Variants in SLC25A36 observed in about 807,000 individuals in gnomAD.
The protein encoded by SLC25A36 is epididymis secretory sperm binding protein.
A neutral mutation model predicts 35.3 loss-of-function variants in SLC25A36; 24 were observed. The observed-to-expected ratio is 0.68, with a 90% CI of 0.49 to 0.96. The LOEUF is 0.96. Ranked by LOEUF, SLC25A36 falls within the 40% of genes least tolerant of loss-of-function variation. SLC25A36 has a pLI of 0.00. For missense variants in SLC25A36, 294 were observed against 381.1 expected, an observed-to-expected ratio of 0.77 and a Z score of 1.90; for synonymous variants, 141 against 132.2, an observed-to-expected ratio of 1.07 and a Z score of -0.46.
intron 1 of SLC25A36, among the ~76,000 whole-genome samples, chr3:140,946,278 C>T (rs945033827): frequency 3.3e-5 from 5 of 152,150 alleles, no homozygotes; most frequent in African/African-American, 9.7e-5. Context: ...TGAGTAAAGA[C>T]TTGGAAGGGA....
rs1369283471 is a variant in SLC25A36, at chr3:140,979,796, AC to A, written c.*3344del. ...TAAATAGTGAACCTCAAAAGTGTTA[AC>A]TTTTGACTATTCATGTGAGGTTTGG... On this transcript the variant is annotated 3_prime_UTR_variant, in exon 7 of 7. Transcript: ENST00000324194. 6.6e-6 allele frequency: 1 copy of A among 152,182 alleles called. No homozygotes were observed. The highest frequency in any genetic ancestry group is 2.4e-5 in the African/African-American group (1 of 41,446). The allele number at this position is 152,182 out of a possible 1,614,324, so 9.4% of individuals were successfully genotyped here. A position where few individuals can be genotyped will look rare whatever the true frequency, so the allele number is the denominator to read the frequency against.
chr3:140,944,093 A>G (rs997561904), intron 1 of SLC25A36, among the ~76,000 whole-genome samples: 2 of 152,234 alleles, frequency 1.3e-5, no homozygotes, highest in African/African-American at 2.4e-5. Context: ...ATGTGGTTAC[A>G]TAAGTGAGTT....
At position 140,942,534 on chromosome 3, in the gene SLC25A36, G is replaced by A. The variant is rs541279363; in HGVS notation, c.41+439G>A. Reference sequence around the variant, plus strand: ...GGCGTCGGGGATCCAGGGCCGCTTTGAGGAGCCTGGCTTCGGATTTCGCGT... The same window carrying A: ...GGCGTCGGGGATCCAGGGCCGCTTTAAGGAGCCTGGCTTCGGATTTCGCGT... On this transcript the variant is annotated intron_variant, in intron 1 of 6. Transcript: ENST00000324194. 6 of 156,080 alleles carry A rather than the reference G, an allele frequency of 3.8e-5. No individual in the cohort carries two copies. In the South Asian group the frequency reaches 9.9e-4, roughly 26 times the overall value. 9.7% of individuals were successfully genotyped at this position (156,080 alleles called of 1,614,324 possible).
At chr3:140,974,588 A>G (rs1337657636) in intron 6 of SLC25A36, among the ~76,000 whole-genome samples, 2 of 152,168 alleles carry the variant, frequency 1.3e-5, no homozygotes, top group African/African-American at 2.4e-5. Context: ...CTGTATTTAA[A>G]TTTTATAATA....
chr3:140,954,518 AT>A (rs745345941), intron 1 of SLC25A36, among the ~76,000 whole-genome samples: 20 of 152,184 alleles, frequency 1.3e-4, no homozygotes, highest in Non-Finnish European at 2.6e-4. Context: ...AGTGTAAGAG[AT>A]TTCCAGTTCA....
chr3:140,970,737 A>C, intron 4 of SLC25A36, 190 bp from the exon 5 acceptor site: 1 of 420,204 alleles, frequency 2.4e-6, no homozygotes, highest in Non-Finnish European at 4.4e-6. Flanking sequence ...TAAGGACAGA[A>C]TTTGAGAATT....
chr3:140,973,643 A>G, intron 5 of SLC25A36, 73 bp from the exon 6 acceptor site: 2 of 1,091,738 alleles, frequency 1.8e-6, no homozygotes, highest in Non-Finnish European at 2.4e-6. Context: ...TTTTATTATT[A>G]GAATGACATA....
rs1935085102 is a variant in SLC25A36 at position 140,977,745 on chromosome 3, GC to G, written c.*1294del. 6.6e-6 allele frequency: 1 copy of G among 151,932 alleles called. No individual in the cohort carries two copies. Among genetic ancestry groups the G allele is most frequent in the Non-Finnish European group, 1.5e-5 (1 of 67,972 alleles). 9.4% of individuals were successfully genotyped at this position (151,932 alleles called of 1,614,324 possible). A position where few individuals can be genotyped will look rare whatever the true frequency, so the allele number is the denominator to read the frequency against. ...TGCTGTAATTCTGTTAAAAGACTTC[GC>G]CTATGCCATACTGGTGTATAAAAAC... On this transcript the variant is annotated 3_prime_UTR_variant, in exon 7 of 7. Transcript: ENST00000324194.
chr3:140,959,527 G>T lies in SLC25A36; in HGVS notation c.271G>T (p.Val91Leu). The T allele has an allele frequency of 6.8e-7, 1 of 1,476,160 alleles. No individual in the cohort carries two copies. The highest frequency in any genetic ancestry group is 8.9e-7 in the Non-Finnish European group (1 of 1,121,732). 91.4% of individuals were successfully genotyped at this position (1,476,160 alleles called of 1,614,324 possible). The change falls in exon 3 of 7, where the codon GTA (valine) becomes TTA (leucine). Residue 91 changes from valine to leucine, a missense_variant. Physicochemically the swap from Val to Leu is conservative, Grantham distance 32 (BLOSUM62 1). Coordinates refer to ENST00000324194, the MANE Select transcript of SLC25A36 (RefSeq NM_001104647.3). ...FRGLGPNLVG[V>L]APSRAIYFAA... is the part of the protein sequence containing the mutation. Reference sequence around the variant, plus strand: ...AGGACTAGGCCCCAATTTAGTGGGGGTAGCCCCTTCCAGGTAAAAAAAAAA... The same window carrying T: ...AGGACTAGGCCCCAATTTAGTGGGGTTAGCCCCTTCCAGGTAAAAAAAAAA...
chr3:140,950,829 A>T (rs1474209143), intron 1 of SLC25A36, among the ~76,000 whole-genome samples: 1 of 151,426 alleles, frequency 6.6e-6, no homozygotes, highest in African/African-American at 2.4e-5. Context: ...AGAAATGTTG[A>T]GTTTGTATTC....
Position 140,973,979 on chromosome 3 carries a change from G to C in SLC25A36, c.716G>C (p.Cys239Ser). 6.3e-7 allele frequency: 1 copy of C among 1,581,566 alleles called. No homozygotes were observed. The highest frequency in any genetic ancestry group is 8.6e-7 in the Non-Finnish European group (1 of 1,160,088). The change falls in exon 6 of 7, where the codon TGT becomes TCT. Residue 239 changes from cysteine to serine, a missense_variant. Physicochemically the swap from Cys to Ser is moderately radical, Grantham distance 112 (BLOSUM62 -1). Around this residue, in one of 2 missense-constraint regions of SLC25A36, gnomAD observed 109 missense variants for 179.7 expected, o/e 0.61. Coordinates refer to ENST00000324194, the MANE Select transcript of SLC25A36 (RefSeq NM_001104647.3). ...MMLAAATSKT[C>S]ATTIAYPHEV... is the part of the protein sequence containing the mutation. ...CTAGCTGCTGCCACCTCAAAAACTTGTGCCACAACTATAGCATATCCACAT... is the reference window on the plus strand; with the variant it reads ...CTAGCTGCTGCCACCTCAAAAACTTCTGCCACAACTATAGCATATCCACAT...
At chr3:140,950,668 C>T (rs186187662) in intron 1 of SLC25A36, among the ~76,000 whole-genome samples, 93 of 152,286 alleles carry the variant, frequency 6.1e-4, no homozygotes, top group African/African-American at 2.2e-3. Context: ...AAGTAATCTG[C>T]AGTTGTCGAG....
chr3:140,956,861 GTTAGACAGATA>G, intron 2 of SLC25A36, 170 bp downstream of exon 2: 1 of 1,097,608 alleles, frequency 9.1e-7, no homozygotes. Context: ...GAGAAGAACA[GTTAGACAGATA>G]AGATAAAGTG....
intron 1 of SLC25A36, chr3:140,942,357 T>G: frequency 5.8e-6 from 2 of 345,392 alleles, no homozygotes; most frequent in African/African-American, 2.1e-5. Context: ...GGTTGAGGCA[T>G]GAAACCCGGG....
chr3:140,961,854 TCAA>T (rs1934637466), intron 3 of SLC25A36, among the ~76,000 whole-genome samples: 1 of 23,824 alleles, frequency 4.2e-5, no homozygotes, highest in African/African-American at 2.1e-4. Flanking sequence ...AGGCTCCGTC[TCAA>T]AAAAAAAAAA....
chr3:140,952,005 T>C (rs531722453), intron 1 of SLC25A36, among the ~76,000 whole-genome samples: 1 of 148,970 alleles, frequency 6.7e-6, no homozygotes, highest in South Asian at 2.1e-4. Context: ...GGCTGTTTTT[T>C]CCTTTCTTTC....
intron 4 of SLC25A36, chr3:140,963,635 T>C (rs1934688020): frequency 6.4e-6 from 1 of 156,990 alleles, no homozygotes. Flanking sequence ...TCGGCAATTC[T>C]TGGTAAAGTA....
chr3:140,956,920 C>G, intron 2 of SLC25A36: 1 of 653,498 alleles, frequency 1.5e-6, no homozygotes, highest in Non-Finnish European at 2.1e-6. Context: ...TAGAATATTT[C>G]TACATTTATC....
chr3:140,943,313 A>G (rs573156453), intron 1 of SLC25A36, among the ~76,000 whole-genome samples: 12 of 152,342 alleles, frequency 7.9e-5, no homozygotes, highest in Non-Finnish European at 1.5e-4. Flanking sequence ...TATGGACTCT[A>G]TTGAGCCAGT....
Sources: allele counts gnomAD v4.1 joint callset (sites outside exome capture counted in the v4.1 genomes callset), GRCh38; gene constraint gnomAD v4.1.1; regional missense constraint gnomAD v4.1.1; transcripts MANE v1.5; gene names NCBI Gene and HGNC (gene_info 2026-07-23, HGNC 2026-07-21).